The following RASAL2 variants were observed in gnomAD, a reference collection of about 807,000 sequenced individuals.
RASAL2 encodes the protein RAS protein activator like 2.
Under a neutral mutation model 128.9 loss-of-function variants are expected in RASAL2, and 58 were observed. That is an observed-to-expected ratio of 0.45 (90% confidence interval 0.36 to 0.56). The LOEUF is 0.56. Among genes scored for constraint, RASAL2 ranks in the 20% least tolerant of loss-of-function variants. The pLI, the probability that RASAL2 is intolerant of heterozygous loss-of-function variation, is 0.00. For synonymous variants in RASAL2, 561 were observed against 580.8 expected (o/e 0.97, Z 0.49); for missense variants, 1,360 against 1,601.6 (o/e 0.85, Z 2.57).
At position 178,094,252 on chromosome 1, in the gene RASAL2, GGGCCAC is replaced by G. The variant is rs1658575868; in HGVS notation, c.-239_-234del. On this transcript the variant is annotated 5_prime_UTR_variant, in exon 1 of 18. Coordinates refer to ENST00000367649, the MANE Select transcript of RASAL2 (RefSeq NM_170692.4). ...CTGAGCCCGGACCCACCCTTGGTCGGGGCCACGCTGGATCCTCCTCCCGGCCTGGGT... is the reference window on the plus strand; with the variant it reads ...CTGAGCCCGGACCCACCCTTGGTCGGGCTGGATCCTCCTCCCGGCCTGGGT... The G allele has an allele frequency of 5.7e-6, 3 of 527,300 alleles. No homozygotes were observed. Among genetic ancestry groups the G allele is most frequent in the Non-Finnish European group, 6.6e-6 (2 of 303,106 alleles). 32.7% of individuals were successfully genotyped at this position (527,300 alleles called of 1,614,324 possible).
intron 3 of RASAL2, among the ~76,000 whole-genome samples, chr1:178,381,214 A>G (rs1034738963): frequency 5.3e-5 from 8 of 152,194 alleles, no homozygotes; most frequent in African/African-American, 1.4e-4. Context: ...TCATCCAGAA[A>G]GTAATGTTTT....
At chr1:178,329,601 A>G (rs997620778) in intron 3 of RASAL2, among the ~76,000 whole-genome samples, 135 of 152,336 alleles carry the variant, frequency 8.9e-4, no homozygotes, top group African/African-American at 3.1e-3. Flanking sequence ...GAGACGCTGG[A>G]GCAGTGCCCT....
chr1:178,408,538 T>A (rs1572020365), intron 4 of RASAL2, among the ~76,000 whole-genome samples: 1 of 152,134 alleles, frequency 6.6e-6, no homozygotes, highest in East Asian at 1.9e-4. Flanking sequence ...CAAATTCTTG[T>A]AAGTCAAATG....
intron 5 of RASAL2, among the ~76,000 whole-genome samples, chr1:178,430,316 G>A (rs1675804264): frequency 6.6e-6 from 1 of 151,992 alleles, no homozygotes; most frequent in Non-Finnish European, 1.5e-5. Flanking sequence ...ACAGCCATGG[G>A]CCAATTAAGG....
chr1:178,473,186 C>G lies in RASAL2; in HGVS notation c.3790C>G (p.Pro1264Ala), dbSNP rs367769758. ...CCGCAATGGCATCTCCCCCACCAAC[C>G]CCACCAAGCTTTCCATCACGGAGAA... ...QVRNGISPTNPTKLSITENGE... is the reference protein window; with the variant it reads ...QVRNGISPTNATKLSITENGE... The change falls in exon 18 of 18, where the codon CCC becomes GCC. Residue 1264 changes from proline to alanine, a missense_variant. Physicochemically the swap from Pro to Ala is conservative, Grantham distance 27. Around this residue, in one of 3 missense-constraint regions of RASAL2, gnomAD observed 741 missense variants for 868.6 expected, o/e 0.85. Coordinates refer to ENST00000367649, the MANE Select transcript of RASAL2 (RefSeq NM_170692.4). 9 of 1,614,068 alleles carry G rather than the reference C, an allele frequency of 5.6e-6. No homozygotes were observed. In the African/African-American group the frequency reaches 9.3e-5, roughly 17 times the overall value.
chr1:178,459,863 G>A (rs1159926679), intron 14 of RASAL2, among the ~76,000 whole-genome samples: 1 of 152,016 alleles, frequency 6.6e-6, no homozygotes. Context: ...ATTTGATTTA[G>A]TAAGCATTTT....
intron 1 of RASAL2, among the ~76,000 whole-genome samples, chr1:178,275,470 G>A (rs920561776): frequency 1.3e-5 from 2 of 152,244 alleles, no homozygotes; most frequent in Non-Finnish European, 2.9e-5. Flanking sequence ...GAAGGGAGAA[G>A]CAAGGTAGAA....
At chr1:178,322,968 G>C (rs1668865325) in intron 3 of RASAL2, among the ~76,000 whole-genome samples, 1 of 152,118 alleles carries the variant, frequency 6.6e-6, no homozygotes, top group South Asian at 2.1e-4. Context: ...TGTTCACATA[G>C]GGCATAAACC....
At chr1:178,211,172 A>C (rs1663242254) in intron 1 of RASAL2, among the ~76,000 whole-genome samples, 1 of 152,158 alleles carries the variant, frequency 6.6e-6, no homozygotes, top group East Asian at 1.9e-4. Flanking sequence ...TACCATGCTC[A>C]CTTCTCCAGA....
intron 1 of RASAL2, among the ~76,000 whole-genome samples, chr1:178,142,429 G>A (rs1187742712): frequency 6.6e-6 from 1 of 152,140 alleles, no homozygotes; most frequent in Non-Finnish European, 1.5e-5. Context: ...TGGCTAAGGA[G>A]GTGATGTCTG....
chr1:178,367,875 G>A (rs965979533), intron 3 of RASAL2, among the ~76,000 whole-genome samples: 3 of 152,136 alleles, frequency 2.0e-5, no homozygotes, highest in South Asian at 2.1e-4. Context: ...GTAGATATCC[G>A]GACATACATT....
Position 178,094,582 on chromosome 1 carries a change from C to A in RASAL2, c.90C>A (p.Pro30=). Residue 30 remains proline (P), a synonymous_variant, in exon 1 of 18, where the codon CCC becomes CCA. Transcript: ENST00000367649. ...CGCTGGAGTCCGACTCGCCGCTGCC[C>A]CCGGAGGACCTGGACGCGGTTGTCC... The part of the protein sequence containing the change: ...FPALESDSPL[P]PEDLDAVVPV... The A allele has an allele frequency of 5.0e-6, 8 of 1,608,102 alleles. No individual in the cohort carries two copies. The highest frequency in any genetic ancestry group is 6.8e-6 in the Non-Finnish European group (8 of 1,177,486).
chr1:178,399,501 G>A (rs1035872229), intron 4 of RASAL2, among the ~76,000 whole-genome samples: 4 of 152,260 alleles, frequency 2.6e-5, no homozygotes, highest in African/African-American at 9.6e-5. Context: ...TGACACGCAG[G>A]TTTGGTGGCT....
chr1:178,142,852 C>T (rs180892039), intron 1 of RASAL2, among the ~76,000 whole-genome samples: 23 of 152,054 alleles, frequency 1.5e-4, no homozygotes, highest in African/African-American at 3.4e-4. Flanking sequence ...GGAAGGACTC[C>T]GCCCAACCAG....
At chr1:178,102,604 G>T (rs1284374214) in intron 1 of RASAL2, among the ~76,000 whole-genome samples, 2 of 151,608 alleles carry the variant, frequency 1.3e-5, no homozygotes, top group African/African-American at 4.8e-5. Context: ...ATACATATTT[G>T]GTATCAAACT....
intron 4 of RASAL2, chr1:178,411,581 G>A (rs1674388485): frequency 1.4e-6 from 1 of 699,096 alleles, no homozygotes. Context: ...AAAAATGAGT[G>A]GATGGAGAGA....
chr1:178,346,840 C>T (rs1420865978), intron 3 of RASAL2, among the ~76,000 whole-genome samples: 2 of 152,136 alleles, frequency 1.3e-5, no homozygotes, highest in African/African-American at 4.8e-5. Flanking sequence ...ACTAGTCTCC[C>T]TTGTAAACAT....
At chr1:178,392,208 G>C (rs778871655) in intron 4 of RASAL2, among the ~76,000 whole-genome samples, 10 of 152,150 alleles carry the variant, frequency 6.6e-5, no homozygotes, top group African/African-American at 1.2e-4. Context: ...AAGTGAGCAT[G>C]GTAACACAAG....
chr1:178,365,529 T>C (rs1309338292), intron 3 of RASAL2, among the ~76,000 whole-genome samples: 2 of 152,164 alleles, frequency 1.3e-5, no homozygotes, highest in African/African-American at 4.8e-5. Flanking sequence ...TGGAGTGCAG[T>C]GACATGATCT....
Sources: allele counts gnomAD v4.1 joint callset (sites outside exome capture counted in the v4.1 genomes callset), GRCh38; gene constraint gnomAD v4.1.1; regional missense constraint gnomAD v4.1.1; transcripts MANE v1.5; gene names NCBI Gene and HGNC (gene_info 2026-07-23, HGNC 2026-07-21).